CNTNAP2: variants seen among roughly 807,000 people sequenced by gnomAD.
CNTNAP2 encodes the protein contactin-associated protein-like 2.
CNTNAP2 carries 98 observed loss-of-function variants against 155.2 expected under a neutral mutation model. That is an observed-to-expected ratio of 0.63 (90% CI 0.54 to 0.75). CNTNAP2 has a LOEUF of 0.75. Among genes scored for constraint, CNTNAP2 ranks in the 30% least tolerant of loss-of-function variants. CNTNAP2 has a pLI of 0.00. For synonymous variants in CNTNAP2, 651 were observed against 631.2 expected, an observed-to-expected ratio of 1.03 and a Z score of -0.47; for missense variants, 1,727 against 1,688.1, an observed-to-expected ratio of 1.02 and a Z score of -0.40.
At chr7:148,318,284 C>T (rs1397739834) in intron 21 of CNTNAP2, among the ~76,000 whole-genome samples, 1 of 152,148 alleles carries the variant, frequency 6.6e-6, no homozygotes, top group Non-Finnish European at 1.5e-5. Flanking sequence ...CCGGCTGTCG[C>T]CTGCTTGGCT....
intron 1 of CNTNAP2, among the ~76,000 whole-genome samples, chr7:146,224,519 G>A (rs547427634): frequency 6.5e-4 from 98 of 151,792 alleles, no homozygotes; most frequent in African/African-American, 2.1e-3. Flanking sequence ...AGGCCGAGGC[G>A]GGCGGATCAT....
chr7:147,630,744 C>T (rs1167531568), intron 12 of CNTNAP2, among the ~76,000 whole-genome samples: 2 of 152,058 alleles, frequency 1.3e-5, no homozygotes, highest in South Asian at 4.1e-4. Flanking sequence ...CCAATAGATG[C>T]AGAAAAAGCA....
chr7:147,757,435 T>A (rs193202185), intron 13 of CNTNAP2, among the ~76,000 whole-genome samples: 205 of 152,262 alleles, frequency 1.3e-3, no homozygotes, highest in Non-Finnish European at 1.7e-3. Flanking sequence ...ATGGCTGCCT[T>A]CTCTGTAGCT....
intron 3 of CNTNAP2, among the ~76,000 whole-genome samples, chr7:147,000,722 A>G (rs1437215493): frequency 1.3e-5 from 2 of 152,124 alleles, no homozygotes; most frequent in Admixed American, 6.6e-5. Context: ...CATGAATTCT[A>G]TAATTAGTGC....
chr7:147,879,127 G>T (rs187556366), intron 13 of CNTNAP2, among the ~76,000 whole-genome samples: 1 of 152,258 alleles, frequency 6.6e-6, no homozygotes, highest in Non-Finnish European at 1.5e-5. Flanking sequence ...TTCTGAACAT[G>T]GTAATTTTTA....
intron 3 of CNTNAP2, among the ~76,000 whole-genome samples, chr7:147,028,852 G>T (rs778008215): frequency 1.3e-5 from 2 of 151,438 alleles, no homozygotes; most frequent in Non-Finnish European, 2.9e-5. Flanking sequence ...AGAAAGTAGC[G>T]AGAACAGCAT....
At chr7:148,325,296 C>T (rs1797867828) in intron 21 of CNTNAP2, among the ~76,000 whole-genome samples, 1 of 152,228 alleles carries the variant, frequency 6.6e-6, no homozygotes, top group African/African-American at 2.4e-5. Flanking sequence ...GTAAGAAAAA[C>T]ATCTAAGAGT....
chr7:146,239,723 G>A (rs1799529677), intron 1 of CNTNAP2, among the ~76,000 whole-genome samples: 1 of 152,090 alleles, frequency 6.6e-6, no homozygotes, highest in Non-Finnish European at 1.5e-5. Flanking sequence ...TCTGATACTT[G>A]TGTTTTATAG....
rs554284610 is a variant in CNTNAP2 at position 147,438,535 on chromosome 7, T to C, written c.1670+42755T>C. ...TTGCATCAATTTTTATGAGTGATAT[T>C]GGCCTGTAGTTTTATTTTTTTCATG... is the stretch of plus-strand genomic sequence containing the variant. On this transcript the variant is annotated intron_variant, in intron 10 of 23. Transcript: ENST00000361727. Among the ~76,000 whole-genome samples, 3 of 152,120 alleles carry C rather than the reference T, an allele frequency of 2.0e-5. No homozygotes were observed. In the East Asian group the frequency reaches 5.8e-4, roughly 29 times the overall value.
At chr7:146,260,848 G>A (rs867647163) in intron 1 of CNTNAP2, among the ~76,000 whole-genome samples, 5 of 152,192 alleles carry the variant, frequency 3.3e-5, no homozygotes, top group South Asian at 2.1e-4. Flanking sequence ...AGGCATGACT[G>A]GTTTCGAAGT....
At chr7:146,717,297 G>A (rs985533031) in intron 1 of CNTNAP2, among the ~76,000 whole-genome samples, 1 of 150,330 alleles carries the variant, frequency 6.7e-6, no homozygotes, top group Admixed American at 6.7e-5. Context: ...GAGGTCAGGA[G>A]TTCAAGACCA....
At chr7:146,306,492 CCT>C (rs1800715324) in intron 1 of CNTNAP2, among the ~76,000 whole-genome samples, 1 of 152,108 alleles carries the variant, frequency 6.6e-6, no homozygotes, top group South Asian at 2.1e-4. Flanking sequence ...ATGCAAAAAT[CCT>C]CAATAAAATA....
chr7:147,395,886 G>A, intron 10 of CNTNAP2, 106 bp downstream of exon 10: 1 of 1,281,236 alleles, frequency 7.8e-7, no homozygotes, highest in East Asian at 2.4e-5. Flanking sequence ...GTTAAAAACA[G>A]GTAAGGTGGA....
chr7:146,137,618 AGCC>A (rs1797816705), intron 1 of CNTNAP2, among the ~76,000 whole-genome samples: 1 of 152,116 alleles, frequency 6.6e-6, no homozygotes, highest in South Asian at 2.1e-4. Context: ...TTTAAAGAAA[AGCC>A]TCTGCATAAA....
intron 9 of CNTNAP2, among the ~76,000 whole-genome samples, chr7:147,372,153 G>A (rs1796358474): frequency 6.6e-6 from 1 of 152,064 alleles, no homozygotes; most frequent in South Asian, 2.1e-4. Flanking sequence ...TACAGTAACA[G>A]TTCTCGTTTA....
chr7:146,464,728 G>A (rs1438601205), intron 1 of CNTNAP2, among the ~76,000 whole-genome samples: 1 of 152,050 alleles, frequency 6.6e-6, no homozygotes, highest in African/African-American at 2.4e-5. Context: ...TCATAAATGA[G>A]CAGCCTAGCA....
intron 1 of CNTNAP2, among the ~76,000 whole-genome samples, chr7:146,158,058 G>A (rs1219621235): frequency 2.6e-5 from 4 of 152,202 alleles, no homozygotes; most frequent in African/African-American, 7.2e-5. Context: ...AGATCAGGCA[G>A]CAACATCTGC....
At chr7:147,855,391 A>T (rs1199054753) in intron 13 of CNTNAP2, among the ~76,000 whole-genome samples, 1 of 152,036 alleles carries the variant, frequency 6.6e-6, no homozygotes, top group Non-Finnish European at 1.5e-5. Flanking sequence ...CAGACCTAGG[A>T]TTACTGAGCT....
At position 147,461,673 on chromosome 7, in the gene CNTNAP2, C is replaced by T. The variant is rs1238828177; in HGVS notation, c.1671-24262C>T. On this transcript the variant is annotated intron_variant, in intron 10 of 23. Transcript: ENST00000361727. ...TTATCCTGGGCTTGAAAAAAAGCTACGTTTTGACTTACCATGTTTTTTGTT... is the reference window on the plus strand; with the variant it reads ...TTATCCTGGGCTTGAAAAAAAGCTATGTTTTGACTTACCATGTTTTTTGTT... Among the ~76,000 whole-genome samples, 6 of 151,652 alleles carry T rather than the reference C, an allele frequency of 4.0e-5. No individual in the cohort carries two copies. The South Asian group carries it at 6.3e-4, about 16-fold the overall frequency.
Sources: allele counts gnomAD v4.1 joint callset (sites outside exome capture counted in the v4.1 genomes callset), GRCh38; gene constraint gnomAD v4.1.1; transcripts MANE v1.5; gene names NCBI Gene and HGNC (gene_info 2026-07-23, HGNC 2026-07-21).